Variants in FAM135A observed in about 807,000 individuals in gnomAD.
The protein encoded by FAM135A is protein FAM135A.
A neutral mutation model predicts 146.8 loss-of-function variants in FAM135A; 79 were observed. That is an observed-to-expected ratio of 0.54 (90% CI 0.45 to 0.65). The LOEUF is 0.65. Ranked by LOEUF, FAM135A falls within the 30% of genes least tolerant of loss-of-function variation. FAM135A has a pLI of 0.00. For synonymous variants in FAM135A, 562 were observed against 603.6 expected (o/e 0.93, Z 1.01); for missense variants, 1,623 against 1,758.2 (o/e 0.92, Z 1.38).
At chr6:70,534,732 T>C (rs1796499779) in intron 18 of FAM135A, among the ~76,000 whole-genome samples, 1 of 152,068 alleles carries the variant, frequency 6.6e-6, no homozygotes, top group Non-Finnish European at 1.5e-5. Flanking sequence ...GAGAGAAGAG[T>C]CTTTGTTTCC....
intron 20 of FAM135A, among the ~76,000 whole-genome samples, chr6:70,542,248 G>GCACACACACACACACA (rs112638092): frequency 0.037 from 5,207 of 141,836 alleles, 108 homozygotes; most frequent in African/African-American, 0.06. Flanking sequence ...TTTTTATCCT[G>GCACACACACACACACA]CACACACACA....
At position 70,552,609 on chromosome 6, in the gene FAM135A, C is replaced by T. The variant is rs1208471; in HGVS notation, c.4229-4141C>T. On this transcript the variant is annotated intron_variant, in intron 20 of 21. Coordinates refer to ENST00000418814, the MANE Select transcript of FAM135A (RefSeq NM_001162529.3). ...TCAGCCTACCAAGTAACTGGGATTA[C>T]AGGTGCCTGCCACCGTGCCCAGCTA... Among the ~76,000 whole-genome samples the T allele has an allele frequency of 6.8e-3, 1,039 of 151,836 alleles. 10 individuals carry two copies. Among genetic ancestry groups the T allele is most frequent in the African/African-American group, 0.024 (1,000 of 41,396 alleles).
At chr6:70,414,227 C>G (rs539815311) in intron 1 of FAM135A, among the ~76,000 whole-genome samples, 2 of 152,266 alleles carry the variant, frequency 1.3e-5, no homozygotes, top group South Asian at 2.1e-4. Context: ...CTCTTGTTAC[C>G]TCCATAATTT....
At chr6:70,505,741 C>T (rs1789617348) in intron 12 of FAM135A, among the ~76,000 whole-genome samples, 1 of 151,792 alleles carries the variant, frequency 6.6e-6, no homozygotes, top group Admixed American at 6.6e-5. Context: ...AATTGTCTCA[C>T]CAGAAGTTTG....
At chr6:70,429,203 G>A (rs540249712) in intron 4 of FAM135A, among the ~76,000 whole-genome samples, 4 of 152,166 alleles carry the variant, frequency 2.6e-5, no homozygotes, top group South Asian at 2.1e-4. Context: ...AAATAGAAAC[G>A]AACATGTTAT....
Position 70,512,252 on chromosome 6 carries a change from T to G in FAM135A, c.1029+9461T>G, listed in dbSNP as rs532051972. On this transcript the variant is annotated intron_variant, in intron 12 of 21. Transcript: ENST00000418814. ...TTCATTTCTTTATCGTTGAGTAGTA[T>G]TTTATGGTATCGTATATCAGAATTC... 3.9e-5 allele frequency among the ~76,000 whole-genome samples: 6 copies of G among 152,004 alleles called. No individual in the cohort carries two copies. The East Asian group carries it at 1.2e-3, about 29-fold the overall frequency.
intron 1 of FAM135A, chr6:70,414,000 C>T (rs1220744953): frequency 2.0e-6 from 2 of 985,694 alleles, no homozygotes; most frequent in South Asian, 4.7e-5. Flanking sequence ...CTTCCTGAAC[C>T]TCGCGCCTAG....
At chr6:70,425,696 A>G (rs988107158) in intron 2 of FAM135A, among the ~76,000 whole-genome samples, 14 of 152,244 alleles carry the variant, frequency 9.2e-5, no homozygotes, top group African/African-American at 3.4e-4. Context: ...GTGTCAAAGT[A>G]TTTTAAATAG....
In FAM135A at chr6:70,481,745, A is replaced by T. The variant is rs145224563; in HGVS notation, c.670-256A>T. Among the ~76,000 whole-genome samples, 472 of 152,292 alleles carry T rather than the reference A, an allele frequency of 3.1e-3. 3 individuals are homozygous for T. The highest frequency in any genetic ancestry group is 0.011 in the African/African-American group (448 of 41,574). ...ATGTCTGTCCTTCAGTCTAAATGTT[A>T]TATAAATACCATGCTATCAAAAATA... is the stretch of plus-strand genomic sequence containing the variant. On this transcript the variant is annotated intron_variant, in intron 9 of 21. Coordinates refer to ENST00000418814, the MANE Select transcript of FAM135A (RefSeq NM_001162529.3).
At chr6:70,534,277 T>C (rs1796373717) in intron 18 of FAM135A, among the ~76,000 whole-genome samples, 1 of 125,334 alleles carries the variant, frequency 8.0e-6, no homozygotes, top group Non-Finnish European at 1.7e-5. Flanking sequence ...GATATATGTA[T>C]ATGAAGCAAC....
At chr6:70,433,302 C>G (rs1772136822) in intron 4 of FAM135A, among the ~76,000 whole-genome samples, 1 of 151,998 alleles carries the variant, frequency 6.6e-6, no homozygotes, top group Non-Finnish European at 1.5e-5. Flanking sequence ...TCTTGATCTC[C>G]TGACCTCATG....
intron 20 of FAM135A, among the ~76,000 whole-genome samples, chr6:70,539,307 A>T (rs867618974): frequency 1.5e-4 from 23 of 152,114 alleles, no homozygotes; most frequent in Admixed American, 5.2e-4. Flanking sequence ...ACTTTTTTTT[A>T]AAAAAGGCCA....
intron 5 of FAM135A, among the ~76,000 whole-genome samples, chr6:70,473,249 C>G (rs1781962050): frequency 6.6e-6 from 1 of 152,154 alleles, no homozygotes; most frequent in Non-Finnish European, 1.5e-5. Context: ...CCAGATTTGT[C>G]TGTGCGCCAG....
intron 8 of FAM135A, among the ~76,000 whole-genome samples, chr6:70,477,819 CTT>C (rs932581704): frequency 5.3e-5 from 8 of 152,118 alleles, no homozygotes; most frequent in African/African-American, 1.9e-4. Context: ...GAAATAATGA[CTT>C]TTAAAATTTA....
rs369567719 is a variant in FAM135A, at chr6:70,522,600, A to G, written c.1103+14A>G. 8 of 1,604,240 alleles carry G rather than the reference A, an allele frequency of 5.0e-6. No individual in the cohort carries two copies. The African/African-American group carries it at 9.4e-5, about 19-fold the overall frequency. ...CCAGGAACTTCAGTGAGTAGTATAA[A>G]TTCAAAATTAAAATGATATTACTTC... On this transcript the variant is annotated intron_variant, in intron 13 of 21. Coordinates refer to ENST00000418814, the MANE Select transcript of FAM135A (RefSeq NM_001162529.3).
At chr6:70,447,328 G>A (rs539972008) in intron 4 of FAM135A, among the ~76,000 whole-genome samples, 26 of 152,160 alleles carry the variant, frequency 1.7e-4, no homozygotes, top group African/African-American at 5.8e-4. Context: ...TGTGCTATTC[G>A]CTCTCCTGGC....
intron 8 of FAM135A, among the ~76,000 whole-genome samples, chr6:70,480,027 TG>T (rs1160823460): frequency 6.6e-6 from 1 of 152,232 alleles, no homozygotes; most frequent in East Asian, 1.9e-4. Context: ...ACCTGCACTC[TG>T]CTTATGGCAA....
Position 70,482,041 on chromosome 6 carries a change from C to A in FAM135A, c.710C>A (p.Ala237Glu), listed in dbSNP as rs1232670943. 2 of 1,613,612 alleles carry A rather than the reference C, an allele frequency of 1.2e-6. No individual in the cohort carries two copies. The highest frequency in any genetic ancestry group is 1.7e-6 in the Non-Finnish European group (2 of 1,179,780). ...FIIADSFLHH[A>E]YRFHYTLCAT... ...ATTGCAGACTCCTTCCTACATCATG[C>A]GTATCGTTTTCATTATACACTTTGT... Residue 237 changes from alanine (A) to glutamate (E), a missense_variant, in exon 10 of 22, where the codon GCG becomes GAG. Around this residue, in one of 7 missense-constraint regions of FAM135A, gnomAD observed 206 missense variants for 194.7 expected, o/e 1.06. Coordinates refer to ENST00000418814, the MANE Select transcript of FAM135A (RefSeq NM_001162529.3).
intron 19 of FAM135A, among the ~76,000 whole-genome samples, chr6:70,537,230 G>T (rs1269857940): frequency 6.6e-6 from 1 of 152,072 alleles, no homozygotes; most frequent in African/African-American, 2.4e-5. Context: ...CACTGCGCCT[G>T]GCCTTGATTT....
Sources: allele counts gnomAD v4.1 joint callset (sites outside exome capture counted in the v4.1 genomes callset), GRCh38; gene constraint gnomAD v4.1.1; regional missense constraint gnomAD v4.1.1; transcripts MANE v1.5; gene names NCBI Gene and HGNC (gene_info 2026-07-23, HGNC 2026-07-21).